KCNH5: variants seen among roughly 807,000 people sequenced by gnomAD.
The protein encoded by KCNH5 is voltage-gated delayed rectifier potassium channel KCNH5.
A neutral mutation model predicts 96.1 loss-of-function variants in KCNH5; 46 were observed. The ratio of observed to expected loss-of-function variants is 0.48; its 90% CI spans 0.38 to 0.61. The LOEUF (loss-of-function observed/expected upper bound fraction) is 0.61, where lower values mean the gene tolerates loss of function less well. KCNH5 is among the 20% of genes least tolerant of loss of function. The pLI is 0.00. For synonymous variants in KCNH5, 439 were observed against 449.8 expected (o/e 0.98, Z 0.30); for missense variants, 907 against 1,225.8 (o/e 0.74, Z 3.88).
intron 5 of KCNH5, among the ~76,000 whole-genome samples, chr14:62,982,591 G>A (rs546582454): frequency 3.4e-4 from 52 of 152,236 alleles, no homozygotes; most frequent in African/African-American, 1.1e-3. Flanking sequence ...AAAAATACTT[G>A]TTAGCATGTA....
At chr14:62,964,509 A>G (rs1225354904) in intron 6 of KCNH5, among the ~76,000 whole-genome samples, 3 of 152,152 alleles carry the variant, frequency 2.0e-5, no homozygotes, top group South Asian at 4.1e-4. Context: ...AACTGTCCAC[A>G]TATACTTACT....
Position 62,811,872 on chromosome 14 carries a change from G to A in KCNH5, c.1570-9291C>T, listed in dbSNP as rs559358270. Among the ~76,000 whole-genome samples, 10 of 152,230 alleles carry A rather than the reference G, an allele frequency of 6.6e-5. No individual in the cohort carries two copies. In the South Asian group the frequency reaches 1.7e-3, roughly 25 times the overall value. ...CTGATGATTATTAAGCACTGGTTAC[G>A]TGTTAGTTATGTGCCTGGTACTATA... On this transcript the variant is annotated intron_variant, in intron 8 of 10. Coordinates refer to ENST00000322893, the MANE Select transcript of KCNH5 (RefSeq NM_139318.5).
chr14:62,881,726 G>T (rs1451068024), intron 7 of KCNH5, among the ~76,000 whole-genome samples: 1 of 149,044 alleles, frequency 6.7e-6, no homozygotes, highest in Non-Finnish European at 1.5e-5. Context: ...ACTCTGCATG[G>T]TTGATATAAG....
chr14:63,019,430 T>A (rs1891386050), intron 1 of KCNH5, among the ~76,000 whole-genome samples: 1 of 151,290 alleles, frequency 6.6e-6, no homozygotes, highest in African/African-American at 2.4e-5. Flanking sequence ...AGTAATTAAG[T>A]AAACTATAGT....
intron 8 of KCNH5, among the ~76,000 whole-genome samples, chr14:62,822,965 T>C (rs1281840087): frequency 2.0e-5 from 3 of 152,154 alleles, no homozygotes; most frequent in African/African-American, 7.2e-5. Context: ...TCCTTCTGGA[T>C]ACCGAAATAA....
At chr14:62,758,001 T>A (rs1016451028) in intron 10 of KCNH5, among the ~76,000 whole-genome samples, 1 of 151,914 alleles carries the variant, frequency 6.6e-6, no homozygotes, top group African/African-American at 2.4e-5. Flanking sequence ...CAAAATTAGC[T>A]GGGTGTGGTG....
intron 10 of KCNH5, among the ~76,000 whole-genome samples, chr14:62,770,645 T>A (rs1279198287): frequency 1.3e-5 from 2 of 152,172 alleles, no homozygotes; most frequent in Non-Finnish European, 2.9e-5. Flanking sequence ...TAAATAGCAA[T>A]CCTTCTTAAA....
Position 62,760,592 on chromosome 14 carries a change from G to A in KCNH5, c.2019+19136C>T, listed in dbSNP as rs570233548. The stretch of plus-strand genomic sequence containing the variant: ...AAAAGTGTGAACACAGAACATACCC[G>A]AGTGAAATCAAATGTCAACTTCTAA... On this transcript the variant is annotated intron_variant, in intron 10 of 10. Transcript: ENST00000322893. 7.9e-5 allele frequency among the ~76,000 whole-genome samples: 12 copies of A among 152,314 alleles called. No homozygotes were observed. The East Asian group carries it at 1.7e-3, about 22-fold the overall frequency.
intron 10 of KCNH5, among the ~76,000 whole-genome samples, chr14:62,738,913 G>A (rs1290619670): frequency 6.6e-6 from 1 of 152,048 alleles, no homozygotes; most frequent in East Asian, 1.9e-4. Context: ...TCTGAATGAG[G>A]AAATCTGGAA....
chr14:62,886,745 C>CA (rs1888605874), intron 7 of KCNH5, among the ~76,000 whole-genome samples: 1 of 152,100 alleles, frequency 6.6e-6, no homozygotes, highest in African/African-American at 2.4e-5. Flanking sequence ...CCTTTCCTTT[C>CA]AAAGACTTGG....
chr14:62,917,153 T>C (rs1307801111), intron 7 of KCNH5, among the ~76,000 whole-genome samples: 7 of 152,226 alleles, frequency 4.6e-5, no homozygotes, highest in Non-Finnish European at 1.0e-4. Context: ...TGATTTGCCA[T>C]AGTCAGTGTA....
chr14:63,007,370 C>T (rs1396086283), intron 2 of KCNH5, among the ~76,000 whole-genome samples: 1 of 152,146 alleles, frequency 6.6e-6, no homozygotes, highest in Non-Finnish European at 1.5e-5. Flanking sequence ...AAAAGATGCT[C>T]TCTTTATACA....
intron 1 of KCNH5, 148 bp downstream of exon 1, chr14:63,044,966 C>G (rs867983138): frequency 7.4e-6 from 5 of 673,348 alleles, no homozygotes; most frequent in Non-Finnish European, 1.3e-5. Flanking sequence ...CCACCCCACC[C>G]CAAATCCAGC....
chr14:62,702,410 A>G lies in KCNH5; in HGVS notation c.*5098T>C, dbSNP rs1402539266. 11 of 152,186 alleles carry G rather than the reference A, an allele frequency of 7.2e-5. No homozygotes were observed. The East Asian group carries it at 2.1e-3, about 29-fold the overall frequency. The allele number at this position is 152,186 out of a possible 1,614,324, so 9.4% of individuals were successfully genotyped here. Reference sequence around the variant, plus strand: ...GGAAAAACCTAGACTAGATGGTTGAACTAGATAGTTCTTGTAATGTCAGTA... The same window carrying G: ...GGAAAAACCTAGACTAGATGGTTGAGCTAGATAGTTCTTGTAATGTCAGTA... On this transcript the variant is annotated 3_prime_UTR_variant, in exon 11 of 11. Coordinates refer to ENST00000322893, the MANE Select transcript of KCNH5 (RefSeq NM_139318.5).
intron 9 of KCNH5, among the ~76,000 whole-genome samples, chr14:62,800,252 A>C (rs1024064411): frequency 3.3e-5 from 5 of 152,206 alleles, no homozygotes; most frequent in African/African-American, 1.2e-4. Flanking sequence ...TTGAGGAGAG[A>C]AAACAAAAAG....
At chr14:62,883,422 T>C (rs1888531982) in intron 7 of KCNH5, among the ~76,000 whole-genome samples, 1 of 152,198 alleles carries the variant, frequency 6.6e-6, no homozygotes, top group African/African-American at 2.4e-5. Flanking sequence ...GGACGACTTC[T>C]AGGCTCAGGA....
intron 10 of KCNH5, among the ~76,000 whole-genome samples, chr14:62,749,308 T>C (rs1885445793): frequency 6.6e-6 from 1 of 152,236 alleles, no homozygotes; most frequent in African/African-American, 2.4e-5. Context: ...AAGATCAGTC[T>C]CTTGTGTTCC....
At chr14:62,791,123 G>A (rs2139988483) in intron 9 of KCNH5, among the ~76,000 whole-genome samples, 1 of 151,714 alleles carries the variant, frequency 6.6e-6, no homozygotes, top group East Asian at 1.9e-4. Context: ...CATCATATAG[G>A]AAATGCTTAA....
intron 9 of KCNH5, 103 bp from the exon 10 acceptor site, chr14:62,780,027 T>G: frequency 2.2e-6 from 2 of 916,370 alleles, no homozygotes. Flanking sequence ...CTAGCATAAT[T>G]TAGAGCTGAG....
Sources: gnomAD v4.1 joint callset for allele counts (sites outside exome capture counted in the v4.1 genomes callset) on GRCh38, gnomAD v4.1.1 for gene constraint, MANE v1.5 for transcripts, NCBI Gene and HGNC (gene_info 2026-07-23, HGNC 2026-07-21) for gene names.